SCG3: variants seen among roughly 807,000 people sequenced by gnomAD.
SCG3 encodes the protein secretogranin-3.
SCG3 carries 38 observed loss-of-function variants against 56.2 expected under a neutral mutation model. The ratio of observed to expected loss-of-function variants is 0.68; its 90% confidence interval spans 0.52 to 0.89. SCG3 has a LOEUF of 0.89. Among genes scored for constraint, SCG3 ranks in the 40% least tolerant of loss-of-function variants. The probability of loss-of-function intolerance (pLI) is 0.00; values close to 1 mark genes in which losing one functional copy is unlikely to be tolerated. For missense variants in SCG3, 524 were observed against 540.7 expected (o/e 0.97, Z 0.31); for synonymous variants, 176 against 184.2 (o/e 0.96, Z 0.36).
chr15:51,702,080 T>C (rs1277641191), intron 10 of SCG3, among the ~76,000 whole-genome samples: 1 of 152,120 alleles, frequency 6.6e-6, no homozygotes, highest in African/African-American at 2.4e-5. Context: ...ACTTAAAGTA[T>C]AATAAAAAAA....
chr15:51,687,121 T>A (rs1277096839), intron 4 of SCG3, among the ~76,000 whole-genome samples: 1 of 152,210 alleles, frequency 6.6e-6, no homozygotes, highest in Non-Finnish European at 1.5e-5. Flanking sequence ...GTTCCTTTGT[T>A]TCAAAATACA....
intron 10 of SCG3, among the ~76,000 whole-genome samples, chr15:51,703,971 T>C (rs1386959095): frequency 6.6e-6 from 1 of 151,970 alleles, no homozygotes; most frequent in Admixed American, 6.6e-5. Context: ...TTGACATAGC[T>C]GATGTGTCAA....
At chr15:51,708,660 C>T (rs1018822779) in intron 10 of SCG3, among the ~76,000 whole-genome samples, 2 of 152,132 alleles carry the variant, frequency 1.3e-5, no homozygotes, top group South Asian at 4.1e-4. Context: ...TCGAGACCAT[C>T]CTGGCTAACA....
chr15:51,711,654 A>T (rs963798829), intron 10 of SCG3, among the ~76,000 whole-genome samples: 8 of 152,320 alleles, frequency 5.3e-5, no homozygotes, highest in South Asian at 2.1e-4. Context: ...TTATTTATGT[A>T]TCTGTTTATT....
chr15:51,693,251 C>A (rs556286488), intron 7 of SCG3: 7 of 152,226 alleles, frequency 4.6e-5, no homozygotes. Context: ...AAAGGCTCTA[C>A]TCACTTTCCT....
rs752648628 is a variant in SCG3, at chr15:51,682,534, A to G, written c.100A>G (p.Arg34Gly). 1.4e-5 allele frequency: 21 copies of G among 1,453,102 alleles called. No individual in the cohort carries two copies. The highest frequency in any genetic ancestry group is 1.8e-5 in the Non-Finnish European group (19 of 1,084,102). The allele number at this position is 1,453,102 out of a possible 1,614,324, so 90.0% of individuals were successfully genotyped here. Residue 34 changes from arginine (R) to glycine (G), a missense_variant, in exon 2 of 12, where the codon AGA becomes GGA. Transcript: ENST00000220478. ...GGSQDKSLHN[R>G]ELSAERPLNE... ...TATTCTAGACAAATCTCTACATAAT[A>G]GAGAATTAAGTGCAGAAAGACCTTT...
Position 51,716,147 on chromosome 15 carries a change from G to A in SCG3, c.1288+2734G>A, listed in dbSNP as rs146723890. ...GTTGGGATTACAGGTGTGAGCCACC[G>A]CGCCCAGCAAGGCAGTGGTTTTCAA... On this transcript the variant is annotated intron_variant, in intron 11 of 11. Coordinates refer to ENST00000220478, the MANE Select transcript of SCG3 (RefSeq NM_013243.4). 3.9e-3 allele frequency among the ~76,000 whole-genome samples: 587 copies of A among 152,272 alleles called. 4 individuals carry two copies. The highest frequency in any genetic ancestry group is 0.013 in the African/African-American group (557 of 41,556).
chr15:51,705,627 T>C (rs1245896867), intron 10 of SCG3, among the ~76,000 whole-genome samples: 1 of 152,046 alleles, frequency 6.6e-6, no homozygotes, highest in Non-Finnish European at 1.5e-5. Context: ...GTTCAAGCAA[T>C]TCTCCTGCCT....
chr15:51,707,506 T>C (rs2055383935), intron 10 of SCG3, among the ~76,000 whole-genome samples: 1 of 152,204 alleles, frequency 6.6e-6, no homozygotes, highest in Non-Finnish European at 1.5e-5. Context: ...TATATCAACA[T>C]GGATTTTTCA....
At chr15:51,684,013 C>T (rs1237971292) in intron 4 of SCG3, among the ~76,000 whole-genome samples, 1 of 152,178 alleles carries the variant, frequency 6.6e-6, no homozygotes, top group Non-Finnish European at 1.5e-5. Context: ...TTAGCATGCC[C>T]ATGATTAAAC....
At chr15:51,689,976 T>C (rs2055256445) in intron 6 of SCG3, among the ~76,000 whole-genome samples, 1 of 152,188 alleles carries the variant, frequency 6.6e-6, no homozygotes, top group African/African-American at 2.4e-5. Flanking sequence ...CAATATCACA[T>C]AATAACATCT....
chr15:51,687,542 G>A (rs994656721), intron 4 of SCG3, among the ~76,000 whole-genome samples: 5 of 152,208 alleles, frequency 3.3e-5, no homozygotes, highest in African/African-American at 7.2e-5. Context: ...GGGAGCATAT[G>A]AGCATGCTTC....
chr15:51,689,147 T>A, intron 5 of SCG3, 72 bp from the exon 6 acceptor site: 1 of 1,469,854 alleles, frequency 6.8e-7, no homozygotes, highest in Non-Finnish European at 9.4e-7. Flanking sequence ...TGACTACAGT[T>A]TAGTCCACAT....
Position 51,689,306 on chromosome 15 carries a change from G to A in SCG3, c.628G>A (p.Glu210Lys). The A allele has an allele frequency of 6.2e-7, 1 of 1,613,944 alleles. No individual in the cohort carries two copies. Among genetic ancestry groups the A allele is most frequent in the Non-Finnish European group, 8.5e-7 (1 of 1,179,962 alleles). ...LISKEANNYE[E>K]DPNKPTSWTE... is the part of the protein sequence containing the mutation. ...CTCAAAGGAAGCCAACAATTATGAG[G>A]AGGATCCCAATAAGCCCACAAGCTG... is the stretch of plus-strand genomic sequence containing the variant. The change falls in exon 6 of 12, where the codon GAG becomes AAG. Residue 210 changes from glutamate (E) to lysine (K), a missense_variant. Glu to Lys is a moderately conservative substitution (Grantham distance 56). Coordinates refer to ENST00000220478, the MANE Select transcript of SCG3 (RefSeq NM_013243.4).
chr15:51,688,131 G>T, intron 4 of SCG3, 129 bp from the exon 5 acceptor site: 1 of 875,918 alleles, frequency 1.1e-6, no homozygotes, highest in East Asian at 2.9e-5. Flanking sequence ...TCTGTGGACC[G>T]AGAACCACCA....
intron 8 of SCG3, among the ~76,000 whole-genome samples, chr15:51,696,591 A>T (rs2141567434): frequency 6.6e-6 from 1 of 152,324 alleles, no homozygotes; most frequent in South Asian, 2.1e-4. Flanking sequence ...AAAGGAAAGA[A>T]AAGAGGTTTA....
chr15:51,695,291 T>C (rs1034318221), intron 7 of SCG3, among the ~76,000 whole-genome samples: 1 of 152,210 alleles, frequency 6.6e-6, no homozygotes, highest in Non-Finnish European at 1.5e-5. Flanking sequence ...GCTTAATTAA[T>C]GAATAAAGAT....
intron 10 of SCG3, among the ~76,000 whole-genome samples, chr15:51,710,540 A>T (rs1429643256): frequency 6.6e-6 from 1 of 152,176 alleles, no homozygotes; most frequent in African/African-American, 2.4e-5. Context: ...TTTATAGGTA[A>T]TTGGTTCCTG....
chr15:51,708,350 T>C lies in SCG3; in HGVS notation c.1208-4983T>C, dbSNP rs1000562556. On this transcript the variant is annotated intron_variant, in intron 10 of 11. Coordinates refer to ENST00000220478, the MANE Select transcript of SCG3 (RefSeq NM_013243.4). ...AGAGCACCTGATGTGATTCCCATTG[T>C]TGCCAATGCTCTTGTAAGCGTGTGG... The C allele has an allele frequency of 2.0e-5, 3 of 152,256 alleles. No individual in the cohort carries two copies. The South Asian group carries it at 6.2e-4, about 31-fold the overall frequency. 9.4% of individuals were successfully genotyped at this position (152,256 alleles called of 1,614,324 possible). A position where few individuals can be genotyped will look rare whatever the true frequency, so the allele number is the denominator to read the frequency against.
Sources: gnomAD v4.1 joint callset for allele counts (sites outside exome capture counted in the v4.1 genomes callset) on GRCh38, gnomAD v4.1.1 for gene constraint, MANE v1.5 for transcripts, NCBI Gene and HGNC (gene_info 2026-07-23, HGNC 2026-07-21) for gene names.